The following SLC7A11 variants were observed in gnomAD, a reference collection of about 807,000 sequenced individuals.
The protein encoded by SLC7A11 is cystine/glutamate transporter.
In SLC7A11, 35 loss-of-function variants were observed where a neutral mutation model predicts 54.5. That is an observed-to-expected ratio of 0.64 (90% confidence interval 0.49 to 0.85). The LOEUF is 0.85. SLC7A11 is among the 40% of genes least tolerant of loss of function. The probability of loss-of-function intolerance (pLI) is 0.00; values close to 1 mark genes in which losing one functional copy is unlikely to be tolerated. For missense variants in SLC7A11, 583 were observed against 618.1 expected (o/e 0.94, Z 0.60); for synonymous variants, 230 against 225.2 (o/e 1.02, Z -0.19).
In SLC7A11 at chr4:138,223,226, C is replaced by G; in HGVS notation, c.619G>C (p.Val207Leu). Residue 207 changes from valine to leucine, a missense_variant, in exon 4 of 12, where the codon GTC becomes CTC. Coordinates refer to ENST00000280612, the MANE Select transcript of SLC7A11 (RefSeq NM_014331.4). ...CKLTAILIII[V>L]PGVMQLIKGQ... ...TTAATTAGCTGCATAACTCCAGGGA[C>G]TATAATTATCAGAATTGCTGTGAGC... 1 of 1,613,528 alleles carries G rather than the reference C, an allele frequency of 6.2e-7. No individual in the cohort carries two copies. Among genetic ancestry groups the G allele is most frequent in the Non-Finnish European group, 8.5e-7 (1 of 1,179,510 alleles).
At position 138,185,216 on chromosome 4, in the gene SLC7A11, T is replaced by C; in HGVS notation, c.820A>G (p.Met274Val). Residue 274 changes from methionine (M) to valine (V), a missense_variant, in exon 7 of 12, where the codon ATG becomes GTG. Met to Val is a conservative substitution (Grantham distance 21). Transcript: ENST00000280612. ...KTIPLAICIS[M>V]AIVTIGYVLT... ...ACATAGCCAATGGTGACAATGGCCA[T>C]GGATATACATATTGCAAGGGGAATG... is the stretch of plus-strand genomic sequence containing the variant. The C allele has an allele frequency of 6.2e-7, 1 of 1,612,816 alleles. No homozygotes were observed.
intron 6 of SLC7A11, among the ~76,000 whole-genome samples, chr4:138,185,833 G>A (rs556684145): frequency 6.6e-6 from 1 of 152,232 alleles, no homozygotes; most frequent in Admixed American, 6.6e-5. Flanking sequence ...ATGATAGTGG[G>A]ATATATCTAC....
chr4:138,241,793 C>A lies in SLC7A11; in HGVS notation c.277G>T (p.Gly93Ter). The change falls in exon 1 of 12, where the codon GGA becomes TGA. Residue 93 changes from glycine to a stop codon, truncating the protein, a stop_gained and splice_region_variant. Coordinates refer to ENST00000280612, the MANE Select transcript of SLC7A11 (RefSeq NM_014331.4). LOFTEE classifies it high-confidence loss of function. ...WTVCGVLSLF[G>*]ALSYAELGTT... ...CCACGAGAGAAAAAGTCGCACTCAC[C>A]AAATAGTGACAGGACCCCACACACC... The A allele has an allele frequency of 2.5e-6, 4 of 1,612,008 alleles. No individual in the cohort carries two copies. Among genetic ancestry groups the A allele is most frequent in the Non-Finnish European group, 3.4e-6 (4 of 1,178,316 alleles).
At chr4:138,182,590 C>T (rs1736774218) in intron 8 of SLC7A11, among the ~76,000 whole-genome samples, 197 bp from the exon 9 acceptor site, 1 of 152,024 alleles carries the variant, frequency 6.6e-6, no homozygotes, top group Non-Finnish European at 1.5e-5. Context: ...CAAAATCTGC[C>T]AACATTATAT....
intron 2 of SLC7A11, among the ~76,000 whole-genome samples, chr4:138,235,308 C>T (rs1738179560): frequency 1.3e-5 from 2 of 151,824 alleles, no homozygotes; most frequent in Non-Finnish European, 2.9e-5. Context: ...GAAAAAAATA[C>T]TTATTATTAT....
chr4:138,220,397 C>T (rs1737784130), intron 4 of SLC7A11, among the ~76,000 whole-genome samples: 1 of 152,130 alleles, frequency 6.6e-6, no homozygotes, highest in African/African-American at 2.4e-5. Context: ...AATATTTACT[C>T]TCTTGTCCTT....
Position 138,241,901 on chromosome 4 carries a change from T to A in SLC7A11, c.169A>T (p.Ile57Phe). 1 of 1,613,988 alleles carries A rather than the reference T, an allele frequency of 6.2e-7. No individual in the cohort carries two copies. The highest frequency in any genetic ancestry group is 8.5e-7 in the Non-Finnish European group (1 of 1,179,946). The change falls in exon 1 of 12, where the codon ATC becomes TTC. Residue 57 changes from isoleucine to phenylalanine, a missense_variant. By Grantham distance (21) the Ile-to-Phe change is conservative. Coordinates refer to ENST00000280612, the MANE Select transcript of SLC7A11 (RefSeq NM_014331.4). ...LRGVSIIIGTIIGAGIFISPK... is the reference protein window; with the variant it reads ...LRGVSIIIGTFIGAGIFISPK... ...GAGATGAAGATTCCTGCTCCAATGA[T>A]GGTGCCAATGATAATGGAGACTCCC...
chr4:138,186,875 A>G (rs1736893674), intron 6 of SLC7A11, among the ~76,000 whole-genome samples: 1 of 152,190 alleles, frequency 6.6e-6, no homozygotes, highest in Admixed American at 6.5e-5. Context: ...TTCAGCTTTT[A>G]TAAGATCCCC....
chr4:138,201,370 A>G lies in SLC7A11; in HGVS notation c.791+13215T>C, dbSNP rs148733189. Among the ~76,000 whole-genome samples the G allele has an allele frequency of 2.0e-5, 3 of 152,252 alleles. No individual in the cohort carries two copies. The East Asian group carries it at 5.8e-4, about 29-fold the overall frequency. ...AGCAAGATGTATTTCTTCCACTTCTATAATTTTAAGAGAAAGCATATAAGA... is the reference window on the plus strand; with the variant it reads ...AGCAAGATGTATTTCTTCCACTTCTGTAATTTTAAGAGAAAGCATATAAGA... On this transcript the variant is annotated intron_variant, in intron 6 of 11. Coordinates refer to ENST00000280612, the MANE Select transcript of SLC7A11 (RefSeq NM_014331.4).
chr4:138,198,556 C>T (rs934655605), intron 6 of SLC7A11, among the ~76,000 whole-genome samples: 11 of 152,134 alleles, frequency 7.2e-5, no homozygotes, highest in African/African-American at 2.7e-4. Context: ...TGACACCCAA[C>T]ACTATAAGTA....
At chr4:138,230,335 T>C (rs1274756410) in intron 3 of SLC7A11, among the ~76,000 whole-genome samples, 1 of 149,738 alleles carries the variant, frequency 6.7e-6, no homozygotes, top group East Asian at 2.0e-4. Context: ...GATGAGACAA[T>C]CTGTACACCA....
intron 6 of SLC7A11, among the ~76,000 whole-genome samples, chr4:138,200,419 T>A (rs1013627488): frequency 2.6e-5 from 4 of 152,178 alleles, no homozygotes; most frequent in African/African-American, 9.6e-5. Flanking sequence ...TCTATTTGAC[T>A]AACAGCTTTA....
intron 6 of SLC7A11, among the ~76,000 whole-genome samples, chr4:138,212,729 G>A (rs575788507): frequency 5.9e-5 from 9 of 151,908 alleles, no homozygotes; most frequent in Admixed American, 5.9e-4. Flanking sequence ...ATACACAATA[G>A]TATTACTATA....
At chr4:138,208,559 A>G (rs1180154798) in intron 6 of SLC7A11, among the ~76,000 whole-genome samples, 1 of 152,082 alleles carries the variant, frequency 6.6e-6, no homozygotes, top group Non-Finnish European at 1.5e-5. Context: ...GGCAAAATTC[A>G]TTACACTTGC....
At chr4:138,231,604 T>C (rs536392321) in intron 3 of SLC7A11, among the ~76,000 whole-genome samples, 14 of 152,310 alleles carry the variant, frequency 9.2e-5, no homozygotes, top group Non-Finnish European at 1.8e-4. Context: ...GTACCTGGCA[T>C]CTTTTGGGGA....
intron 6 of SLC7A11, among the ~76,000 whole-genome samples, chr4:138,202,388 G>T (rs987543368): frequency 6.6e-6 from 1 of 151,980 alleles, no homozygotes; most frequent in African/African-American, 2.4e-5. Context: ...CCATTTTGAA[G>T]GGGTGCCAGT....
At chr4:138,237,689 C>T (rs867906954) in intron 1 of SLC7A11, among the ~76,000 whole-genome samples, 29 of 104,976 alleles carry the variant, frequency 2.8e-4, no homozygotes, top group Middle Eastern at 0.016. Context: ...TGAGCCACTG[C>T]GCCTAGCCAG....
intron 3 of SLC7A11, among the ~76,000 whole-genome samples, chr4:138,228,877 T>C (rs117666962): frequency 2.6e-5 from 4 of 152,034 alleles, no homozygotes; most frequent in Non-Finnish European, 5.9e-5. Flanking sequence ...ACCTGACATG[T>C]TTACTGGAAT....
At position 138,233,188 on chromosome 4, in the gene SLC7A11, CT is replaced by C. The variant is rs34001412; in HGVS notation, c.405-807del. Among the ~76,000 whole-genome samples, 301 of 142,382 alleles carry C rather than the reference CT, an allele frequency of 2.1e-3. 1 individual carries two copies. Among genetic ancestry groups the C allele is most frequent in the African/African-American group, 3.8e-3 (145 of 38,646 alleles). The allele number at this position is 142,382 out of a possible 152,430, so 93.4% of individuals were successfully genotyped here. On this transcript the variant is annotated intron_variant, in intron 2 of 11. Coordinates refer to ENST00000280612, the MANE Select transcript of SLC7A11 (RefSeq NM_014331.4). ...GCAAGTCTGTGCAATTATCTAATTTCTTTTTTTTTTTTTTGAAATGGAGTCT... is the reference window on the plus strand; with the variant it reads ...GCAAGTCTGTGCAATTATCTAATTTCTTTTTTTTTTTTTGAAATGGAGTCT...
Sources: allele counts gnomAD v4.1 joint callset (sites outside exome capture counted in the v4.1 genomes callset), GRCh38; gene constraint gnomAD v4.1.1; transcripts MANE v1.5; gene names NCBI Gene and HGNC (gene_info 2026-07-23, HGNC 2026-07-21).